Variants in WASHC5 observed in about 807,000 individuals in gnomAD.
The protein encoded by WASHC5 is WASH complex subunit strumpellin.
In WASHC5, 101 loss-of-function variants were observed where a neutral mutation model predicts 150.4. That is an observed-to-expected ratio of 0.67 (90% CI 0.57 to 0.79). WASHC5 has a LOEUF of 0.79. Ranked by LOEUF, WASHC5 falls within the 30% of genes least tolerant of loss-of-function variation. WASHC5 has a pLI of 0.00. For synonymous variants in WASHC5, 467 were observed against 491.2 expected (o/e 0.95, Z 0.65); for missense variants, 1,195 against 1,396.3 (o/e 0.86, Z 2.30).
At chr8:125,085,802 A>G (rs1020192216) in intron 1 of WASHC5, among the ~76,000 whole-genome samples, 1 of 152,190 alleles carries the variant, frequency 6.6e-6, no homozygotes, top group Non-Finnish European at 1.5e-5. Context: ...CACAAATGAA[A>G]TAACTCCTCG....
Position 125,049,016 on chromosome 8 carries a change from A to C in WASHC5, c.2369T>G (p.Leu790Arg). ...AAATTTATTAGATACCTTCGTTCTT[A>C]GAAAGTTATTACACTCTTGCTCCAC... ...YNVEQECNNF[L>R]RTKIQDWQSM... The change falls in exon 19 of 29, where the codon CTA (leucine) becomes CGA (arginine). Residue 790 changes from leucine (L) to arginine (R), a missense_variant. By Grantham distance (102) the Leu-to-Arg change is moderately radical. Transcript: ENST00000318410. 6.2e-7 allele frequency: 1 copy of C among 1,611,168 alleles called. No individual in the cohort carries two copies. Among genetic ancestry groups the C allele is most frequent in the Non-Finnish European group, 8.5e-7 (1 of 1,178,338 alleles).
chr8:125,032,024 GT>G (rs1563607768), intron 27 of WASHC5, among the ~76,000 whole-genome samples: 2 of 152,184 alleles, frequency 1.3e-5, no homozygotes, highest in Non-Finnish European at 2.9e-5. Context: ...GAAAATCAAT[GT>G]GAGTAGACCG....
intron 19 of WASHC5, among the ~76,000 whole-genome samples, chr8:125,048,358 T>C (rs1298143818): frequency 6.6e-6 from 1 of 152,220 alleles, no homozygotes; most frequent in Non-Finnish European, 1.5e-5. Flanking sequence ...GCATTTGGTA[T>C]TCTTTTTTTA....
chr8:125,084,510 G>C (rs1287066563), intron 1 of WASHC5, among the ~76,000 whole-genome samples: 4 of 152,168 alleles, frequency 2.6e-5, no homozygotes. Context: ...ACAGATGCTA[G>C]GTTCTGCAAA....
chr8:125,075,006 T>G lies in WASHC5; in HGVS notation c.970A>C (p.Arg324=). 9 of 1,602,360 alleles carry G rather than the reference T, an allele frequency of 5.6e-6. No homozygotes were observed. The highest frequency in any genetic ancestry group is 6.8e-6 in the Non-Finnish European group (8 of 1,169,366). Residue 324 remains arginine, a synonymous_variant, in exon 8 of 29, where the codon AGA becomes CGA. Transcript: ENST00000318410. ...LNNTLDLSNV[R]EQASRYATVS... is the part of the protein sequence containing the mutation. Reference sequence around the variant, plus strand: ...CCCAGATTAGAACCTACCTGTTCTCTGACATTTGAAAGGTCCAGGGTATTA... The same window carrying G: ...CCCAGATTAGAACCTACCTGTTCTCGGACATTTGAAAGGTCCAGGGTATTA...
intron 22 of WASHC5, 32 bp downstream of exon 22, chr8:125,043,960 A>G (rs1414641731): frequency 6.9e-7 from 1 of 1,443,080 alleles, no homozygotes; most frequent in African/African-American, 2.9e-5. Flanking sequence ...CTACAGTGTC[A>G]TCCCCGCCTC....
At chr8:125,085,713 C>CT (rs1471519981) in intron 1 of WASHC5, among the ~76,000 whole-genome samples, 11 of 152,180 alleles carry the variant, frequency 7.2e-5, no homozygotes, top group Non-Finnish European at 1.3e-4. Context: ...TAGCTTCCTC[C>CT]TACAGCCAGT....
chr8:125,025,157 G>T (rs1461646034), intron 28 of WASHC5, among the ~76,000 whole-genome samples: 8 of 152,096 alleles, frequency 5.3e-5, no homozygotes, highest in Non-Finnish European at 2.9e-5. Context: ...CTGTTCTTGG[G>T]CAAAGCCCTG....
chr8:125,079,296 T>C (rs1197362377), intron 5 of WASHC5, among the ~76,000 whole-genome samples: 1 of 142,592 alleles, frequency 7.0e-6, no homozygotes, highest in Non-Finnish European at 1.5e-5. Flanking sequence ...GTTCAAGCAA[T>C]TCTCCTGCCT....
chr8:125,089,351 T>C (rs886591931), intron 1 of WASHC5, among the ~76,000 whole-genome samples: 12 of 152,156 alleles, frequency 7.9e-5, no homozygotes, highest in Non-Finnish European at 1.5e-4. Context: ...AGAATTGTCT[T>C]GAGCCACACA....
intron 28 of WASHC5, 114 bp from the exon 29 acceptor site, chr8:125,024,787 TC>T: frequency 1.4e-6 from 1 of 739,402 alleles, no homozygotes; most frequent in Non-Finnish European, 2.4e-6. Flanking sequence ...AAGAGGAGAC[TC>T]CCATGGGCGG....
chr8:125,051,609 C>T (rs11986264), intron 17 of WASHC5, among the ~76,000 whole-genome samples: 16,660 of 152,232 alleles, frequency 0.11, 2,135 homozygotes, highest in African/African-American at 0.31. Context: ...GAAGGAGGGC[C>T]GGGCGTGGTG....
intron 28 of WASHC5, among the ~76,000 whole-genome samples, chr8:125,028,078 T>C (rs1402460972): frequency 6.6e-6 from 1 of 152,242 alleles, no homozygotes; most frequent in Non-Finnish European, 1.5e-5. Context: ...CAGTATCTGC[T>C]GAAAGTTGTA....
In WASHC5 at chr8:125,049,183, T is replaced by C. The variant is rs1816163980; in HGVS notation, c.2202A>G (p.Pro734=). 6.2e-7 allele frequency: 1 copy of C among 1,614,130 alleles called. No homozygotes were observed. Among genetic ancestry groups the C allele is most frequent in the East Asian group, 2.2e-5 (1 of 44,870 alleles). The change falls in exon 19 of 29, where the codon CCA becomes CCG. Residue 734 remains proline (P), a splice_region_variant and synonymous_variant. Coordinates refer to ENST00000318410, the MANE Select transcript of WASHC5 (RefSeq NM_014846.4). ...RGLIFNPRAK[P]SELMPKLKEL... is the part of the protein sequence containing the mutation. ...CTTTCAGCTTGGGCATCAATTCACTTGGCTGTGGAAAAGGGGAAACATAAA... is the reference window on the plus strand; with the variant it reads ...CTTTCAGCTTGGGCATCAATTCACTCGGCTGTGGAAAAGGGGAAACATAAA...
At position 125,032,311 on chromosome 8, in the gene WASHC5, A is replaced by T; in HGVS notation, c.3265T>A (p.Ser1089Thr). 6.2e-7 allele frequency: 1 copy of T among 1,614,216 alleles called. No homozygotes were observed. Among genetic ancestry groups the T allele is most frequent in the Non-Finnish European group, 8.5e-7 (1 of 1,180,032 alleles). The change falls in exon 27 of 29, where the codon TCC (serine) becomes ACC (threonine). Residue 1089 changes from serine to threonine, a missense_variant. By Grantham distance (58) the Ser-to-Thr change is moderately conservative. This residue lies in a region of WASHC5 where 997 missense variants were observed against 1,168.1 expected (regional missense o/e 0.85). Coordinates refer to ENST00000318410, the MANE Select transcript of WASHC5 (RefSeq NM_014846.4). ...GCCAGGAACTGCTCGGTGTACCGGG[A>T]ATGGAACTGCTTCAGCAGAGTGAGC... ...GLLTLLKQFH[S>T]RYTEQFLALI...
At chr8:125,053,110 T>A (rs1022685112) in intron 17 of WASHC5, among the ~76,000 whole-genome samples, 12 of 152,074 alleles carry the variant, frequency 7.9e-5, no homozygotes, top group Admixed American at 7.9e-4. Context: ...TTTCTTTTTT[T>A]TTTTTTTTGC....
intron 17 of WASHC5, among the ~76,000 whole-genome samples, chr8:125,054,909 A>G (rs1816362294): frequency 6.6e-6 from 1 of 152,072 alleles, no homozygotes; most frequent in South Asian, 2.1e-4. Context: ...AAACAGAGAG[A>G]GAGAAGAATA....
At chr8:125,067,358 C>G (rs1193801090) in intron 10 of WASHC5, among the ~76,000 whole-genome samples, 1 of 152,136 alleles carries the variant, frequency 6.6e-6, no homozygotes, top group Admixed American at 6.6e-5. Flanking sequence ...CCCCATTAGG[C>G]TATAACCTCT....
At chr8:125,055,388 A>C (rs965404109) in intron 17 of WASHC5, among the ~76,000 whole-genome samples, 1 of 151,540 alleles carries the variant, frequency 6.6e-6, no homozygotes, top group Admixed American at 6.5e-5. Flanking sequence ...GCACCACTGC[A>C]CTCCAGCCTG....
Sources: gnomAD v4.1 joint callset for allele counts (sites outside exome capture counted in the v4.1 genomes callset) on GRCh38, gnomAD v4.1.1 for gene constraint, gnomAD v4.1.1 regional missense constraint, MANE v1.5 for transcripts, NCBI Gene and HGNC (gene_info 2026-07-23, HGNC 2026-07-21) for gene names.